The following ADK variants were observed in gnomAD, a reference collection of about 807,000 sequenced individuals.
ADK encodes adenosine kinase, also known as N6,N6-dimethyladenosine kinase.
Under a neutral mutation model 44.7 loss-of-function variants are expected in ADK, and 24 were observed. The ratio of observed to expected loss-of-function variants is 0.54; its 90% confidence interval spans 0.39 to 0.76. The LOEUF (loss-of-function observed/expected upper bound fraction) is 0.76. Ranked by LOEUF, ADK falls within the 30% of genes least tolerant of loss-of-function variation. The probability of loss-of-function intolerance (pLI) is 0.00; values close to 1 mark genes in which losing one functional copy is unlikely to be tolerated. For missense variants in ADK, 321 were observed against 425.1 expected, an observed-to-expected ratio of 0.76 and a Z score of 2.15; for synonymous variants, 128 against 142.6, an observed-to-expected ratio of 0.90 and a Z score of 0.73.
intron 3 of ADK, among the ~76,000 whole-genome samples, chr10:74,293,990 C>A (rs1271341787): frequency 1.3e-5 from 2 of 152,158 alleles, no homozygotes; most frequent in Admixed American, 1.3e-4. Context: ...TTGGAGATTA[C>A]CTTTGCTGTT....
At chr10:74,291,156 G>T (rs571382148) in intron 3 of ADK, among the ~76,000 whole-genome samples, 1 of 152,132 alleles carries the variant, frequency 6.6e-6, no homozygotes, top group Non-Finnish European at 1.5e-5. Flanking sequence ...GGTGGCTCAC[G>T]CCTGTAATCC....
chr10:74,424,761 G>A (rs565539016), intron 6 of ADK, among the ~76,000 whole-genome samples: 42 of 151,790 alleles, frequency 2.8e-4, no homozygotes, highest in Admixed American at 2.3e-3. Flanking sequence ...TCTATCTTCC[G>A]ATATTGGTAA....
At chr10:74,276,118 CAT>C (rs749286527) in intron 3 of ADK, among the ~76,000 whole-genome samples, 9 of 152,248 alleles carry the variant, frequency 5.9e-5, no homozygotes, top group South Asian at 2.1e-4. Context: ...GTATATTACA[CAT>C]ATGTTTACCC....
Position 74,260,125 on chromosome 10 carries a change from T to C in ADK, c.194+35534T>C, listed in dbSNP as rs1468231172. On this transcript the variant is annotated intron_variant, in intron 3 of 10. Transcript: ENST00000539909. ...CAAATAGAACAGATGGTCTGTCTAATAATGAAAAACAAGAAAAATCTTGCC... is the reference window on the plus strand; with the variant it reads ...CAAATAGAACAGATGGTCTGTCTAACAATGAAAAACAAGAAAAATCTTGCC... Among the ~76,000 whole-genome samples the C allele has an allele frequency of 2.6e-5, 4 of 152,260 alleles. No homozygotes were observed. The Middle Eastern group carries it at 0.01, about 388-fold the overall frequency.
At chr10:74,255,339 C>T (rs1297636213) in intron 3 of ADK, among the ~76,000 whole-genome samples, 1 of 151,694 alleles carries the variant, frequency 6.6e-6, no homozygotes, top group Non-Finnish European at 1.5e-5. Context: ...TTTTGGTGAT[C>T]ATTTGGGGAA....
chr10:74,171,511 C>A (rs144650756), intron 1 of ADK, among the ~76,000 whole-genome samples: 19 of 152,184 alleles, frequency 1.2e-4, no homozygotes, highest in Non-Finnish European at 2.1e-4. Flanking sequence ...GGTTATGTAT[C>A]TGATTGCTTT....
intron 1 of ADK, among the ~76,000 whole-genome samples, chr10:74,170,757 G>A (rs186312322): frequency 0.013 from 1,871 of 145,606 alleles, 23 homozygotes; most frequent in Non-Finnish European, 0.022. Flanking sequence ...CCGAGATCGC[G>A]CCACTGCACT....
At chr10:74,370,600 C>T (rs1842628047) in intron 4 of ADK, among the ~76,000 whole-genome samples, 1 of 151,986 alleles carries the variant, frequency 6.6e-6, no homozygotes, top group Non-Finnish European at 1.5e-5. Context: ...TACCTTTTTG[C>T]CAGATTTCTA....
At chr10:74,181,209 C>A (rs901226014) in intron 1 of ADK, among the ~76,000 whole-genome samples, 1 of 151,940 alleles carries the variant, frequency 6.6e-6, no homozygotes, top group African/African-American at 2.4e-5. Context: ...GTATAGCATT[C>A]AACTCTGAGG....
chr10:74,539,303 C>T (rs2133717591), intron 7 of ADK, among the ~76,000 whole-genome samples: 1 of 152,300 alleles, frequency 6.6e-6, no homozygotes, highest in South Asian at 2.1e-4. Flanking sequence ...TCTGGGATTA[C>T]AGGCATGAGC....
At position 74,200,853 on chromosome 10, in the gene ADK, C is replaced by A. The variant is rs1475387917; in HGVS notation, c.140+15C>A. 1 of 1,505,166 alleles carries A rather than the reference C, an allele frequency of 6.6e-7. No homozygotes were observed. The highest frequency in any genetic ancestry group is 2.3e-5 in the East Asian group (1 of 44,240). The allele number at this position is 1,505,166 out of a possible 1,614,324, so 93.2% of individuals were successfully genotyped here. On this transcript the variant is annotated intron_variant, in intron 2 of 10. Coordinates refer to ENST00000539909, the MANE Select transcript of ADK (RefSeq NM_006721.4). Reference sequence around the variant, plus strand: ...TTCCTTGATAAGTAAGTATTAAACTCTTCATATGCACTATGTGGAACTTAC... The same window carrying A: ...TTCCTTGATAAGTAAGTATTAAACTATTCATATGCACTATGTGGAACTTAC...
chr10:74,672,063 A>C (rs1282785946), intron 10 of ADK, among the ~76,000 whole-genome samples: 1 of 152,198 alleles, frequency 6.6e-6, no homozygotes, highest in African/African-American at 2.4e-5. Flanking sequence ...TAAATAAACT[A>C]CTTCATCAAA....
chr10:74,226,555 G>A (rs1844551525), intron 3 of ADK, among the ~76,000 whole-genome samples: 2 of 151,730 alleles, frequency 1.3e-5, no homozygotes, highest in Non-Finnish European at 2.9e-5. Flanking sequence ...TTTTTTGGAT[G>A]CATTTCGAAG....
At chr10:74,544,898 C>CTT (rs112304458) in intron 7 of ADK, among the ~76,000 whole-genome samples, 2 of 142,484 alleles carry the variant, frequency 1.4e-5, no homozygotes, top group Admixed American at 7.0e-5. Flanking sequence ...TTCTTTCTTT[C>CTT]TTTTTTTTTT....
At chr10:74,236,500 A>G (rs1844963045) in intron 3 of ADK, among the ~76,000 whole-genome samples, 1 of 152,230 alleles carries the variant, frequency 6.6e-6, no homozygotes, top group Non-Finnish European at 1.5e-5. Flanking sequence ...TTGTGGCACA[A>G]AGAAATTCAA....
At chr10:74,348,572 G>A (rs1841854151) in intron 4 of ADK, among the ~76,000 whole-genome samples, 1 of 151,844 alleles carries the variant, frequency 6.6e-6, no homozygotes, top group Non-Finnish European at 1.5e-5. Context: ...GCACAAAACT[G>A]GACGGAGCAA....
intron 6 of ADK, among the ~76,000 whole-genome samples, chr10:74,406,747 C>A (rs932179598): frequency 2.0e-5 from 3 of 151,432 alleles, no homozygotes; most frequent in Non-Finnish European, 4.4e-5. Flanking sequence ...GTGGTGCAAT[C>A]TTGGCTCACT....
chr10:74,548,350 A>C (rs982138902), intron 7 of ADK, among the ~76,000 whole-genome samples: 1 of 152,172 alleles, frequency 6.6e-6, no homozygotes, highest in Non-Finnish European at 1.5e-5. Flanking sequence ...AGGATAATTA[A>C]ATGTTAATCT....
intron 6 of ADK, among the ~76,000 whole-genome samples, chr10:74,451,067 C>CTTTTTTTTTTTTTTT (rs35120068): frequency 6.9e-5 from 5 of 72,164 alleles, no homozygotes; most frequent in African/African-American, 1.2e-4. Flanking sequence ...GCTCTGCTGC[C>CTTTTTTTTTTTTTTT]TTTTTTTTTT....
Sources: gnomAD v4.1 joint callset for allele counts (sites outside exome capture counted in the v4.1 genomes callset) on GRCh38, gnomAD v4.1.1 for gene constraint, MANE v1.5 for transcripts, NCBI Gene and HGNC (gene_info 2026-07-23, HGNC 2026-07-21) for gene names.